The following FGF12 variants were observed in gnomAD, a reference collection of about 807,000 sequenced individuals.
The protein encoded by FGF12 is fibroblast growth factor 12B.
Under a neutral mutation model 23.6 loss-of-function variants are expected in FGF12, and 14 were observed. That is an observed-to-expected ratio of 0.59 (90% CI 0.39 to 0.93). The LOEUF (loss-of-function observed/expected upper bound fraction) is 0.93, where lower values mean the gene tolerates loss of function less well. Ranked by LOEUF, FGF12 falls within the 40% of genes least tolerant of loss-of-function variation. The probability of loss-of-function intolerance (pLI) is 0.00; values close to 1 mark genes in which losing one functional copy is unlikely to be tolerated. For synonymous variants in FGF12, 62 were observed against 77.3 expected, an observed-to-expected ratio of 0.80 and a Z score of 1.04; for missense variants, 175 against 217.8, an observed-to-expected ratio of 0.80 and a Z score of 1.24.
At chr3:192,337,636 T>C (rs1198153440) in intron 3 of FGF12, among the ~76,000 whole-genome samples, 1 of 152,188 alleles carries the variant, frequency 6.6e-6, no homozygotes, top group Non-Finnish European at 1.5e-5. Flanking sequence ...CTTTGAGCTA[T>C]TCATTTAACT....
chr3:192,321,837 C>T (rs1252048217), intron 4 of FGF12, among the ~76,000 whole-genome samples: 1 of 151,970 alleles, frequency 6.6e-6, no homozygotes, highest in African/African-American at 2.4e-5. Context: ...AAAAGCCATA[C>T]ATCGCAGACC....
Position 192,413,084 on chromosome 3 carries a change from A to T in FGF12, c.14-52546T>A, listed in dbSNP as rs1223178148. ...TATATAGTCTATGTTTTTGGGCTCT[A>T]GTCAAACAAATAAAAACATGGGCAG... On this transcript the variant is annotated intron_variant, in intron 2 of 5. Coordinates refer to ENST00000445105, the MANE Select transcript of FGF12 (RefSeq NM_004113.6). Among the ~76,000 whole-genome samples, 6 of 152,334 alleles carry T rather than the reference A, an allele frequency of 3.9e-5. No individual in the cohort carries two copies. The East Asian group carries it at 1.2e-3, about 29-fold the overall frequency.
chr3:192,551,215 C>G lies in FGF12; in HGVS notation c.13+175966G>C, dbSNP rs80272574. Among the ~76,000 whole-genome samples, 630 of 152,328 alleles carry G rather than the reference C, an allele frequency of 4.1e-3. 2 individuals carry two copies. The highest frequency in any genetic ancestry group is 6.1e-3 in the Non-Finnish European group (416 of 68,020). On this transcript the variant is annotated intron_variant, in intron 2 of 5. Coordinates refer to ENST00000445105, the MANE Select transcript of FGF12 (RefSeq NM_004113.6). The stretch of plus-strand genomic sequence containing the variant: ...AACTCCAGCTTTCTACCCGGGGTCA[C>G]TTTCCAGGGGCAGCATGGGAGACAG...
intron 4 of FGF12, among the ~76,000 whole-genome samples, chr3:192,241,596 A>G (rs890050630): frequency 1.3e-5 from 2 of 152,192 alleles, no homozygotes; most frequent in African/African-American, 2.4e-5. Context: ...CCAACTTTCT[A>G]ATGAGCAGAA....
chr3:192,665,606 G>T (rs901136344), intron 2 of FGF12, among the ~76,000 whole-genome samples: 3 of 151,638 alleles, frequency 2.0e-5, no homozygotes, highest in African/African-American at 7.3e-5. Context: ...GGGCCTTTTG[G>T]GGGTGGGGGG....
intron 4 of FGF12, among the ~76,000 whole-genome samples, chr3:192,319,195 T>C (rs1038036086): frequency 2.0e-5 from 3 of 152,222 alleles, no homozygotes; most frequent in Admixed American, 2.0e-4. Flanking sequence ...AAAAATTCAC[T>C]GGTAATAGTA....
chr3:192,408,968 G>T lies in FGF12; in HGVS notation c.14-48430C>A, dbSNP rs3109189. On this transcript the variant is annotated intron_variant, in intron 2 of 5. Transcript: ENST00000445105. This position sits in a 1 kb window ranked among gnomAD's most constrained non-coding sequence, Gnocchi z 7.3. The stretch of plus-strand genomic sequence containing the variant: ...TTCCGAGAGGCGCGAAGTGGGAGCG[G>T]TTACCCGGAGTCTGGGTAGGGGCGC... 0.27 allele frequency: 264,923 copies of T among 984,200 alleles called. 36,443 individuals carry two copies. Among genetic ancestry groups the T allele is most frequent in the Non-Finnish European group, 0.28 (232,971 of 829,494 alleles). 61.0% of individuals were successfully genotyped at this position (984,200 alleles called of 1,614,324 possible).
intron 4 of FGF12, among the ~76,000 whole-genome samples, chr3:192,191,027 A>G (rs921480971): frequency 6.6e-6 from 1 of 152,196 alleles, no homozygotes; most frequent in South Asian, 2.1e-4. Context: ...ACAATAATAG[A>G]TCTTGTATAA....
chr3:192,717,055 C>A (rs559353017), intron 2 of FGF12, among the ~76,000 whole-genome samples: 29 of 152,174 alleles, frequency 1.9e-4, no homozygotes, highest in Non-Finnish European at 3.8e-4. Flanking sequence ...CCCAGTGATT[C>A]CTCAAGTCTG....
chr3:192,695,377 T>G (rs1718083371), intron 2 of FGF12, among the ~76,000 whole-genome samples: 1 of 152,178 alleles, frequency 6.6e-6, no homozygotes, highest in Non-Finnish European at 1.5e-5. Context: ...CTTCATTCTT[T>G]GAGGTGGAAG....
chr3:192,219,699 G>A (rs958043147), intron 4 of FGF12, among the ~76,000 whole-genome samples: 14 of 152,170 alleles, frequency 9.2e-5, no homozygotes, highest in Admixed American at 3.9e-4. Context: ...AAATTCTGGG[G>A]TGAGACTCAG....
rs187633375 is a variant in FGF12, at chr3:192,296,786, T to C, written c.228+38575A>G. On this transcript the variant is annotated intron_variant, in intron 4 of 5. Coordinates refer to ENST00000445105, the MANE Select transcript of FGF12 (RefSeq NM_004113.6). Reference sequence around the variant, plus strand: ...AATTTGATAATATCAAATTTAAAAATAAAATACTTTTAAGGTCCAAACTTT... The same window carrying C: ...AATTTGATAATATCAAATTTAAAAACAAAATACTTTTAAGGTCCAAACTTT... 1.9e-3 allele frequency among the ~76,000 whole-genome samples: 296 copies of C among 152,250 alleles called. 1 individual carries two copies. The Middle Eastern group carries it at 0.02, about 10-fold the overall frequency.
chr3:192,167,854 C>T (rs1295222195), intron 5 of FGF12, among the ~76,000 whole-genome samples: 1 of 144,116 alleles, frequency 6.9e-6, no homozygotes, highest in East Asian at 2.1e-4. Context: ...CAGCTCACTG[C>T]AATCTCCACC....
At chr3:192,231,559 TAGG>T (rs1220539455) in intron 4 of FGF12, among the ~76,000 whole-genome samples, 1 of 151,924 alleles carries the variant, frequency 6.6e-6, no homozygotes, top group Non-Finnish European at 1.5e-5. Context: ...TGCTTGAGGT[TAGG>T]AGTTCAAGAC....
At chr3:192,611,662 T>C (rs1714555394) in intron 2 of FGF12, among the ~76,000 whole-genome samples, 1 of 151,994 alleles carries the variant, frequency 6.6e-6, no homozygotes, top group Admixed American at 6.6e-5. Flanking sequence ...AATTCTTAAG[T>C]ACTTCCCACG....
rs535072541 is a variant in FGF12 at position 192,484,666 on chromosome 3, C to T, written c.14-124128G>A. The stretch of plus-strand genomic sequence containing the variant: ...TCTGGGTGAAAAGAGAGGACAGTTG[C>T]CATAAAGGTGGGCGGACCTTATGCA... On this transcript the variant is annotated intron_variant, in intron 2 of 5. Transcript: ENST00000445105. Among the ~76,000 whole-genome samples, 23 of 152,230 alleles carry T rather than the reference C, an allele frequency of 1.5e-4. No individual in the cohort carries two copies. In the East Asian group the frequency reaches 4.2e-3, roughly 28 times the overall value.
intron 2 of FGF12, among the ~76,000 whole-genome samples, chr3:192,724,628 G>A (rs1438311611): frequency 6.6e-6 from 1 of 152,164 alleles, no homozygotes; most frequent in East Asian, 1.9e-4. Flanking sequence ...CACAAAAATC[G>A]CTGAAATTAG....
At chr3:192,285,496 T>A (rs1282138256) in intron 4 of FGF12, among the ~76,000 whole-genome samples, 2 of 152,236 alleles carry the variant, frequency 1.3e-5, no homozygotes, top group Middle Eastern at 3.4e-3. Context: ...CTCCTGTATT[T>A]TTTTTTCAAA....
At chr3:192,557,479 C>A (rs776106074) in intron 2 of FGF12, among the ~76,000 whole-genome samples, 13 of 151,902 alleles carry the variant, frequency 8.6e-5, no homozygotes, top group Middle Eastern at 3.4e-3. Flanking sequence ...ATTCTATTTA[C>A]AAAACACTTA....
Sources: allele counts gnomAD v4.1 joint callset (sites outside exome capture counted in the v4.1 genomes callset), GRCh38; gene constraint gnomAD v4.1.1; non-coding constraint Gnocchi (gnomAD v3.1); transcripts MANE v1.5; gene names NCBI Gene and HGNC (gene_info 2026-07-23, HGNC 2026-07-21).